The following GPATCH2 variants were observed in gnomAD, a reference collection of about 807,000 sequenced individuals.
GPATCH2 encodes the protein G-patch domain containing 2.
In GPATCH2, 51 loss-of-function variants were observed where a neutral mutation model predicts 58.0. The observed-to-expected ratio is 0.88, with a 90% CI of 0.70 to 1.11. GPATCH2 has a LOEUF of 1.11. Ranked by LOEUF, GPATCH2 falls within the 50% of genes most tolerant of loss-of-function variation. The pLI, the probability that GPATCH2 is intolerant of heterozygous loss-of-function variation, is 0.00. For missense variants in GPATCH2, 625 were observed against 652.2 expected, an observed-to-expected ratio of 0.96 and a Z score of 0.45; for synonymous variants, 222 against 218.5, an observed-to-expected ratio of 1.02 and a Z score of -0.14.
At chr1:217,434,866 T>C (rs924351800) in intron 9 of GPATCH2, among the ~76,000 whole-genome samples, 1 of 152,170 alleles carries the variant, frequency 6.6e-6, no homozygotes, top group Non-Finnish European at 1.5e-5. Flanking sequence ...ATTCTCATTT[T>C]TTTAAATGAT....
At chr1:217,567,525 TG>T (rs1666308660) in intron 5 of GPATCH2, among the ~76,000 whole-genome samples, 1 of 152,208 alleles carries the variant, frequency 6.6e-6, no homozygotes. Flanking sequence ...CTACCTTAGC[TG>T]GTTCTCAGTG....
At chr1:217,574,978 C>T (rs1157370191) in intron 5 of GPATCH2, among the ~76,000 whole-genome samples, 1 of 152,166 alleles carries the variant, frequency 6.6e-6, no homozygotes, top group Non-Finnish European at 1.5e-5. Flanking sequence ...GATAAATCCA[C>T]ACACAGGGTT....
intron 1 of GPATCH2, among the ~76,000 whole-genome samples, chr1:217,628,738 C>T (rs1462130032): frequency 6.7e-6 from 1 of 150,278 alleles, no homozygotes; most frequent in Admixed American, 6.6e-5. Flanking sequence ...CACATTTACC[C>T]ATTTGGTGCC....
In GPATCH2 at chr1:217,438,221, T is replaced by C. The variant is rs191087562; in HGVS notation, c.1367-6856A>G. Among the ~76,000 whole-genome samples the C allele has an allele frequency of 1.4e-3, 220 of 152,216 alleles. 2 individuals are homozygous for C. Among genetic ancestry groups the C allele is most frequent in the African/African-American group, 4.7e-3 (195 of 41,536 alleles). ...AAATGACGTCTGCACAGAAACCCCA[T>C]CTGAAGGTCACCAACATCAAAGACC... On this transcript the variant is annotated intron_variant, in intron 9 of 9. Transcript: ENST00000366935.
intron 5 of GPATCH2, among the ~76,000 whole-genome samples, chr1:217,593,352 C>T (rs748607363): frequency 4.0e-5 from 6 of 151,782 alleles, no homozygotes; most frequent in South Asian, 2.1e-4. Flanking sequence ...ATTTATTGGG[C>T]GGGAAGATGC....
At chr1:217,603,493 C>T (rs1200557574) in intron 5 of GPATCH2, among the ~76,000 whole-genome samples, 3 of 151,994 alleles carry the variant, frequency 2.0e-5, no homozygotes, top group African/African-American at 7.2e-5. Flanking sequence ...TCAAGACAGA[C>T]ATCATTTAAT....
Position 217,429,746 on chromosome 1 carries a change from T to G in GPATCH2, c.*1399A>C, listed in dbSNP as rs1465982027. ...GGGAGGCTGAGGCAGAACAATCACT[T>G]GAACCCAGGAGGGGGAGGCTGCAGT... On this transcript the variant is annotated 3_prime_UTR_variant, in exon 10 of 10. Transcript: ENST00000366935. The G allele has an allele frequency of 6.7e-6, 1 of 148,458 alleles. No individual in the cohort carries two copies. The highest frequency in any genetic ancestry group is 2.5e-5 in the African/African-American group (1 of 40,018). 9.2% of individuals were successfully genotyped at this position (148,458 alleles called of 1,614,324 possible).
chr1:217,523,564 T>C (rs1172917296), intron 5 of GPATCH2, among the ~76,000 whole-genome samples: 57 of 151,474 alleles, frequency 3.8e-4, no homozygotes, highest in Middle Eastern at 3.4e-3. Flanking sequence ...AAGTCTCCCA[T>C]GTCTACCTCT....
At chr1:217,447,698 T>C (rs1659453275) in intron 9 of GPATCH2, among the ~76,000 whole-genome samples, 1 of 152,208 alleles carries the variant, frequency 6.6e-6, no homozygotes, top group African/African-American at 2.4e-5. Flanking sequence ...AAATGCATAA[T>C]TTTATAATCT....
chr1:217,609,954 T>A, intron 5 of GPATCH2: 1 of 1,280,962 alleles, frequency 7.8e-7, no homozygotes, highest in Non-Finnish European at 9.9e-7. Flanking sequence ...CCAACCTAAA[T>A]CCCTAGAAAG....
At chr1:217,598,745 G>T (rs550857862) in intron 5 of GPATCH2, among the ~76,000 whole-genome samples, 1 of 152,270 alleles carries the variant, frequency 6.6e-6, no homozygotes, top group South Asian at 2.1e-4. Flanking sequence ...GATTACAGGC[G>T]TGAGCCACTG....
intron 6 of GPATCH2, among the ~76,000 whole-genome samples, chr1:217,503,499 T>C (rs1662403900): frequency 6.6e-6 from 1 of 152,136 alleles, no homozygotes; most frequent in Admixed American, 6.6e-5. Flanking sequence ...ATAGGTGTTA[T>C]GAATTAGCCT....
At chr1:217,571,703 C>CAAAAAAAAAAAAAAA (rs11463536) in intron 5 of GPATCH2, among the ~76,000 whole-genome samples, 32 of 73,810 alleles carry the variant, frequency 4.3e-4, no homozygotes, top group East Asian at 2.0e-3. Flanking sequence ...AAAACGAAAC[C>CAAAAAAAAAAAAAAA]AAAAAAAAAA....
At chr1:217,461,481 C>A (rs1234625873) in intron 8 of GPATCH2, among the ~76,000 whole-genome samples, 1 of 152,160 alleles carries the variant, frequency 6.6e-6, no homozygotes, top group Non-Finnish European at 1.5e-5. Flanking sequence ...TGATTTATTT[C>A]TTTAAGTACA....
intron 1 of GPATCH2, among the ~76,000 whole-genome samples, chr1:217,627,327 A>G (rs1669516748): frequency 6.6e-6 from 1 of 151,994 alleles, no homozygotes; most frequent in Non-Finnish European, 1.5e-5. Context: ...AAGGCCTTCA[A>G]TCTTTCTGAG....
At chr1:217,499,737 T>A (rs1662203329) in intron 6 of GPATCH2, among the ~76,000 whole-genome samples, 1 of 151,872 alleles carries the variant, frequency 6.6e-6, no homozygotes, top group Non-Finnish European at 1.5e-5. Flanking sequence ...TTGTGCCTTT[T>A]TTTTTTTTTT....
intron 6 of GPATCH2, among the ~76,000 whole-genome samples, chr1:217,503,319 G>A (rs570360091): frequency 1.7e-4 from 26 of 152,182 alleles, no homozygotes; most frequent in Admixed American, 1.6e-3. Context: ...ATAATATCAT[G>A]GTAGGATGGA....
At chr1:217,480,752 A>C (rs1319970327) in intron 8 of GPATCH2, among the ~76,000 whole-genome samples, 1 of 152,218 alleles carries the variant, frequency 6.6e-6, no homozygotes, top group East Asian at 1.9e-4. Context: ...AGTGTCCATC[A>C]ACAGATGAAT....
At chr1:217,458,494 C>A (rs766446437) in intron 8 of GPATCH2, among the ~76,000 whole-genome samples, 1 of 152,126 alleles carries the variant, frequency 6.6e-6, no homozygotes, top group Admixed American at 6.5e-5. Flanking sequence ...ATTCTCACAT[C>A]TGGGGGAATG....
Sources: allele counts gnomAD v4.1 joint callset (sites outside exome capture counted in the v4.1 genomes callset), GRCh38; gene constraint gnomAD v4.1.1; transcripts MANE v1.5; gene names NCBI Gene and HGNC (gene_info 2026-07-23, HGNC 2026-07-21).